Variants in RIOK2 observed in about 807,000 individuals in gnomAD.
RIOK2 encodes the protein serine/threonine-protein kinase RIO2.
RIOK2 carries 46 observed loss-of-function variants against 62.4 expected under a neutral mutation model. The observed-to-expected ratio is 0.74, with a 90% CI of 0.58 to 0.94. The LOEUF is 0.94. Ranked by LOEUF, RIOK2 falls within the 40% of genes least tolerant of loss-of-function variation. The probability of loss-of-function intolerance (pLI) is 0.00; values close to 1 mark genes in which losing one functional copy is unlikely to be tolerated. For synonymous variants in RIOK2, 197 were observed against 216.0 expected (o/e 0.91, Z 0.77); for missense variants, 574 against 658.0 (o/e 0.87, Z 1.40).
At chr5:97,164,719 T>A (rs1748799634) in intron 9 of RIOK2, among the ~76,000 whole-genome samples, 1 of 152,110 alleles carries the variant, frequency 6.6e-6, no homozygotes, top group Non-Finnish European at 1.5e-5. Context: ...TTGAAACTCA[T>A]CAGTTTGTAT....
chr5:97,172,533 C>A (rs544547078), intron 5 of RIOK2, among the ~76,000 whole-genome samples: 1 of 152,282 alleles, frequency 6.6e-6, no homozygotes, highest in East Asian at 1.9e-4. Flanking sequence ...CCATTTCTTG[C>A]CTAGATTATT....
intron 6 of RIOK2, among the ~76,000 whole-genome samples, chr5:97,169,853 C>G (rs1247489547): frequency 6.6e-6 from 1 of 152,126 alleles, no homozygotes; most frequent in East Asian, 1.9e-4. Context: ...CATAATCTGT[C>G]ACACTCTGGA....
chr5:97,163,251 T>C lies in RIOK2; in HGVS notation c.1495-26A>G, dbSNP rs1748752242. 4 of 1,594,474 alleles carry C rather than the reference T, an allele frequency of 2.5e-6. No homozygotes were observed. The East Asian group carries it at 9.0e-5, about 36-fold the overall frequency. ...CTGGAAAGATTTCATAAATTAGTAT[T>C]ACTGATAATGAACCATTTCAAAAAG... On this transcript the variant is annotated intron_variant, in intron 9 of 9. Coordinates refer to ENST00000283109, the MANE Select transcript of RIOK2 (RefSeq NM_018343.3).
chr5:97,177,800 A>G lies in RIOK2; in HGVS notation c.254T>C (p.Leu85Ser), dbSNP rs750169272. ...TACTTGCCTAGAAGAAAGTGTTTTC[A>G]AAGCTAGGTAATCATATCCTGCATT... ...LTNAGYDYLA[L>S]KTLSSRQVVE... The change falls in exon 3 of 10, where the codon TTG becomes TCG. Residue 85 changes from leucine (L) to serine (S), a missense_variant. By Grantham distance (145) the Leu-to-Ser change is moderately radical (BLOSUM62 -2). Coordinates refer to ENST00000283109, the MANE Select transcript of RIOK2 (RefSeq NM_018343.3). The G allele has an allele frequency of 6.2e-7, 1 of 1,613,732 alleles. No homozygotes were observed. The highest frequency in any genetic ancestry group is 8.5e-7 in the Non-Finnish European group (1 of 1,179,728).
At chr5:97,170,713 TATACTTTA>T (rs1299346272) in intron 6 of RIOK2, among the ~76,000 whole-genome samples, 3 of 152,204 alleles carry the variant, frequency 2.0e-5, no homozygotes, top group Non-Finnish European at 4.4e-5. Context: ...CTCTAGTAGT[TATACTTTA>T]ATAAAAAACC....
chr5:97,179,574 A>T (rs1197084652), intron 1 of RIOK2, among the ~76,000 whole-genome samples: 1 of 151,738 alleles, frequency 6.6e-6, no homozygotes, highest in African/African-American at 2.4e-5. Context: ...TATATATATG[A>T]ATGATAGACT....
At chr5:97,167,005 C>T (rs1265228732) in intron 8 of RIOK2, 1 of 526,272 alleles carries the variant, frequency 1.9e-6, no homozygotes, top group African/African-American at 2.1e-5. Flanking sequence ...CAACCTCTGC[C>T]TCCCAGGTTC....
At chr5:97,180,299 AG>A (rs758440460) in intron 1 of RIOK2, among the ~76,000 whole-genome samples, 1 of 151,114 alleles carries the variant, frequency 6.6e-6, no homozygotes, top group Non-Finnish European at 1.5e-5. Context: ...CTTCTAGCTG[AG>A]GGATCAGTTC....
chr5:97,178,958 A>C, intron 2 of RIOK2, 97 bp downstream of exon 2: 1 of 1,378,146 alleles, frequency 7.3e-7, no homozygotes, highest in Non-Finnish European at 1.0e-6. Flanking sequence ...CTAATGCTTT[A>C]CTAGTCTGGC....
intron 9 of RIOK2, among the ~76,000 whole-genome samples, chr5:97,164,745 C>A (rs546424086): frequency 3.3e-4 from 50 of 152,226 alleles, no homozygotes; most frequent in Non-Finnish European, 6.5e-4. Flanking sequence ...GAAAAAATTA[C>A]TTGAAATTTA....
intron 3 of RIOK2, 144 bp downstream of exon 3, chr5:97,177,588 C>T (rs1749205066): frequency 1.6e-6 from 1 of 609,404 alleles, no homozygotes; most frequent in South Asian, 2.3e-5. Flanking sequence ...ATTAAGGACA[C>T]CTTCTGATTT....
intron 1 of RIOK2, among the ~76,000 whole-genome samples, chr5:97,181,283 A>AG (rs1263447307): frequency 2.0e-5 from 3 of 151,878 alleles, no homozygotes; most frequent in African/African-American, 7.3e-5. Flanking sequence ...AAAAAAAAAA[A>AG]AAAGAAAGAG....
At position 97,162,921 on chromosome 5, in the gene RIOK2, G is replaced by A; in HGVS notation, c.*140C>T. 1 of 736,868 alleles carries A rather than the reference G, an allele frequency of 1.4e-6. No homozygotes were observed. The allele number at this position is 736,868 out of a possible 1,614,324, so 45.6% of individuals were successfully genotyped here. A position where few individuals can be genotyped will look rare whatever the true frequency, so the allele number is the denominator to read the frequency against. ...AATTATTCTTTGCAAGACACATACT[G>A]AATGACCAAATTTATAGATGAAAGA... On this transcript the variant is annotated 3_prime_UTR_variant, in exon 10 of 10. Coordinates refer to ENST00000283109, the MANE Select transcript of RIOK2 (RefSeq NM_018343.3).
chr5:97,180,027 A>AATATATATATTATATATATATT (rs1554083553), intron 1 of RIOK2, among the ~76,000 whole-genome samples: 1 of 63,460 alleles, frequency 1.6e-5, no homozygotes, highest in East Asian at 4.0e-4. Context: ...ATATATATAT[A>AATATATATATTATATATATATT]ATATATATAT....
chr5:97,168,770 TA>T lies in RIOK2; in HGVS notation c.861del (p.Phe287LeufsTer33). 1 of 1,593,076 alleles carries T rather than the reference TA, an allele frequency of 6.3e-7. No individual in the cohort carries two copies. Among genetic ancestry groups the T allele is most frequent in the Non-Finnish European group, 8.6e-7 (1 of 1,168,912 alleles). On this transcript the variant is annotated frameshift_variant, in exon 7 of 10. Transcript: ENST00000283109. LOFTEE classifies it high-confidence loss of function. ...FSYESELFPTFKDIRREDTLD... is the reference protein window; with the variant it reads ...FSYESELFPTXKDIRREDTLD... Reference sequence around the variant, plus strand: ...ATGGGGAGTACAAACCTGATATCCTTAAAAGTTGGAAAAAGCTCACTTTCGT... The same window carrying T: ...ATGGGGAGTACAAACCTGATATCCTTAAAGTTGGAAAAAGCTCACTTTCGT...
intron 1 of RIOK2, chr5:97,182,785 G>GT: frequency 4.3e-6 from 1 of 235,264 alleles, no homozygotes; most frequent in Non-Finnish European, 8.6e-6. Context: ...TCTCGGGGGG[G>GT]GGGGGGGGCT....
At chr5:97,166,994 G>T in intron 8 of RIOK2, 1 of 570,500 alleles carries the variant, frequency 1.8e-6, no homozygotes, top group Non-Finnish European at 2.2e-6. Flanking sequence ...TTGGCTTACT[G>T]CAACCTCTGC....
intron 8 of RIOK2, among the ~76,000 whole-genome samples, chr5:97,165,381 T>C (rs944613058): frequency 2.0e-5 from 3 of 152,202 alleles, no homozygotes; most frequent in Non-Finnish European, 4.4e-5. Context: ...TTAAAAACAG[T>C]AGAATGCTTA....
In RIOK2 at chr5:97,182,788, G is replaced by C. The variant is rs1315168728; in HGVS notation, c.66+338C>G. 3.5e-5 allele frequency: 8 copies of C among 229,370 alleles called. 1 individual carries two copies. The highest frequency in any genetic ancestry group is 3.2e-4 in the East Asian group (3 of 9,408). The allele number at this position is 229,370 out of a possible 1,614,324, so 14.2% of individuals were successfully genotyped here. Reference sequence around the variant, plus strand: ...AATATTATCAAATCTCGGGGGGGGGGGGGGGCTTAAACCTTTCACAGCTGG... The same window carrying C: ...AATATTATCAAATCTCGGGGGGGGGCGGGGGCTTAAACCTTTCACAGCTGG... On this transcript the variant is annotated intron_variant, in intron 1 of 9. Transcript: ENST00000283109.
Sources: gnomAD v4.1 joint callset for allele counts (sites outside exome capture counted in the v4.1 genomes callset) on GRCh38, gnomAD v4.1.1 for gene constraint, MANE v1.5 for transcripts, NCBI Gene and HGNC (gene_info 2026-07-23, HGNC 2026-07-21) for gene names.